C9: variants seen among roughly 807,000 people sequenced by gnomAD.
The protein encoded by C9 is complement C9.
In C9, 63 loss-of-function variants were observed where a neutral mutation model predicts 65.4. The observed-to-expected ratio is 0.96, with a 90% CI of 0.79 to 1.19. The LOEUF is 1.19. C9 is among the 50% of genes most tolerant of loss of function. C9 has a pLI of 0.00. For missense variants in C9, 744 were observed against 670.1 expected (o/e 1.11, Z -1.22); for synonymous variants, 229 against 227.9 (o/e 1.00, Z -0.04).
chr5:39,360,180 A>G (rs1226939796), intron 1 of C9, among the ~76,000 whole-genome samples: 10 of 152,220 alleles, frequency 6.6e-5, no homozygotes, highest in Non-Finnish European at 1.5e-4. Context: ...GTGAGTGCTT[A>G]TATGTGTCAC....
chr5:39,307,977 C>G (rs1375714820), intron 8 of C9, among the ~76,000 whole-genome samples: 1 of 152,134 alleles, frequency 6.6e-6, no homozygotes, highest in Non-Finnish European at 1.5e-5. Context: ...AATAAATATA[C>G]AAGTCTAAAA....
At chr5:39,354,956 C>T (rs1162781342) in intron 1 of C9, among the ~76,000 whole-genome samples, 1 of 152,154 alleles carries the variant, frequency 6.6e-6, no homozygotes, top group Non-Finnish European at 1.5e-5. Context: ...TTGCTCTAGG[C>T]TCTATTAACA....
chr5:39,319,351 C>T (rs1016502983), intron 5 of C9, among the ~76,000 whole-genome samples: 3 of 152,216 alleles, frequency 2.0e-5, no homozygotes, highest in African/African-American at 7.2e-5. Context: ...CAGGCTTAAC[C>T]AGTGCCAGGC....
chr5:39,292,271 G>A (rs992463177), intron 9 of C9, among the ~76,000 whole-genome samples: 1 of 151,470 alleles, frequency 6.6e-6, no homozygotes, highest in African/African-American at 2.4e-5. Flanking sequence ...ACAGCATACT[G>A]CTTATTTAAA....
At chr5:39,349,531 A>C (rs1021133478) in intron 1 of C9, among the ~76,000 whole-genome samples, 1 of 152,158 alleles carries the variant, frequency 6.6e-6, no homozygotes, top group African/African-American at 2.4e-5. Flanking sequence ...CAAACTCTAC[A>C]TGCCCTTTTA....
chr5:39,346,064 A>T (rs1452580059), intron 1 of C9, among the ~76,000 whole-genome samples: 1 of 152,382 alleles, frequency 6.6e-6, no homozygotes, highest in Non-Finnish European at 1.5e-5. Flanking sequence ...CACAAGAGAA[A>T]GCAGGAAAGA....
rs114722879 is a variant in C9, at chr5:39,353,429, C to A, written c.77+10959G>T. 4.4e-3 allele frequency among the ~76,000 whole-genome samples: 670 copies of A among 152,270 alleles called. 4 individuals carry two copies. Among genetic ancestry groups the A allele is most frequent in the African/African-American group, 0.015 (633 of 41,554 alleles). On this transcript the variant is annotated intron_variant, in intron 1 of 10. Coordinates refer to ENST00000263408, the MANE Select transcript of C9 (RefSeq NM_001737.5). Reference sequence around the variant, plus strand: ...ACTTTACTTTACTCCACTTAAGCTCCAGCTACACTGAACATTAAAATTTCA... The same window carrying A: ...ACTTTACTTTACTCCACTTAAGCTCAAGCTACACTGAACATTAAAATTTCA...
chr5:39,354,349 T>C (rs1460241465), intron 1 of C9, among the ~76,000 whole-genome samples: 4 of 152,182 alleles, frequency 2.6e-5, no homozygotes, highest in African/African-American at 7.2e-5. Flanking sequence ...ATATTAAAAA[T>C]AGGAATTGTA....
intron 5 of C9, among the ~76,000 whole-genome samples, chr5:39,328,711 AGAGGTTTGT>A (rs1228228270): frequency 1.3e-5 from 2 of 152,178 alleles, no homozygotes; most frequent in Non-Finnish European, 2.9e-5. Flanking sequence ...GAGGCCAAGA[AGAGGTTTGT>A]GGGCATAAAT....
chr5:39,297,300 A>G (rs1753203032), intron 9 of C9, among the ~76,000 whole-genome samples: 1 of 151,674 alleles, frequency 6.6e-6, no homozygotes, highest in Non-Finnish European at 1.5e-5. Flanking sequence ...TCAGTTTAAA[A>G]AAGAAATGTC....
intron 1 of C9, among the ~76,000 whole-genome samples, chr5:39,352,975 T>A (rs1270722422): frequency 6.6e-6 from 1 of 152,078 alleles, no homozygotes; most frequent in East Asian, 1.9e-4. Flanking sequence ...TATGGGGAGA[T>A]CATCCTGTAT....
intron 5 of C9, among the ~76,000 whole-genome samples, chr5:39,316,479 C>G (rs1236154440): frequency 6.6e-6 from 1 of 152,150 alleles, no homozygotes; most frequent in Admixed American, 6.5e-5. Context: ...CATCCATTAG[C>G]TATTCCTCCT....
At chr5:39,340,586 G>A (rs544844750) in intron 4 of C9, among the ~76,000 whole-genome samples, 1 of 152,216 alleles carries the variant, frequency 6.6e-6, no homozygotes, top group Non-Finnish European at 1.5e-5. Flanking sequence ...CCTAGGTTTT[G>A]TATGGAAAAT....
intron 9 of C9, among the ~76,000 whole-genome samples, chr5:39,304,723 T>G (rs1277749391): frequency 6.6e-6 from 1 of 152,202 alleles, no homozygotes; most frequent in African/African-American, 2.4e-5. Context: ...CCTTCCAGTT[T>G]ATCAAGAAAG....
At chr5:39,345,895 C>G (rs1034144210) in intron 1 of C9, among the ~76,000 whole-genome samples, 1 of 152,166 alleles carries the variant, frequency 6.6e-6, no homozygotes, top group Non-Finnish European at 1.5e-5. Context: ...TACATGGAAA[C>G]TGAACAACCT....
At chr5:39,304,693 T>C (rs939955461) in intron 9 of C9, among the ~76,000 whole-genome samples, 10 of 152,168 alleles carry the variant, frequency 6.6e-5, no homozygotes, top group Non-Finnish European at 1.3e-4. Flanking sequence ...TTAGGTAGAA[T>C]GTTGATATGA....
At chr5:39,287,523 A>G (rs1753012373) in intron 10 of C9, among the ~76,000 whole-genome samples, 1 of 152,188 alleles carries the variant, frequency 6.6e-6, no homozygotes, top group East Asian at 1.9e-4. Flanking sequence ...GATGTGCAAT[A>G]GCACATATTT....
chr5:39,337,888 GTAGAAGAATCTAAC>G (rs958917096), intron 4 of C9, among the ~76,000 whole-genome samples: 19 of 152,238 alleles, frequency 1.2e-4, no homozygotes, highest in Non-Finnish European at 2.5e-4. Flanking sequence ...ACTTTCACAT[GTAGAAGAATCTAAC>G]TGTATGTGAC....
intron 1 of C9, among the ~76,000 whole-genome samples, chr5:39,361,375 G>A (rs899955840): frequency 1.3e-5 from 2 of 152,192 alleles, no homozygotes; most frequent in Non-Finnish European, 2.9e-5. Context: ...AGTAGGGAAA[G>A]TAAGATACTC....
Sources: gnomAD v4.1 joint callset for allele counts (sites outside exome capture counted in the v4.1 genomes callset) on GRCh38, gnomAD v4.1.1 for gene constraint, MANE v1.5 for transcripts, NCBI Gene and HGNC (gene_info 2026-07-23, HGNC 2026-07-21) for gene names.